Variants in NELL2 observed in about 807,000 individuals in gnomAD.
NELL2 encodes the protein protein kinase C-binding protein NELL2.
A neutral mutation model predicts 109.6 loss-of-function variants in NELL2; 41 were observed. The observed-to-expected ratio is 0.37, with a 90% confidence interval of 0.29 to 0.49. NELL2 has a LOEUF of 0.49. Ranked by LOEUF, NELL2 falls within the 20% of genes least tolerant of loss-of-function variation. NELL2 has a pLI of 0.98. For missense variants in NELL2, 900 were observed against 1,008.3 expected, an observed-to-expected ratio of 0.89 and a Z score of 1.45; for synonymous variants, 355 against 344.7, an observed-to-expected ratio of 1.03 and a Z score of -0.33.
chr12:44,815,134 T>C (rs11182699), intron 3 of NELL2, among the ~76,000 whole-genome samples: 6,951 of 152,138 alleles, frequency 0.046, 377 homozygotes, highest in African/African-American at 0.13. Context: ...TTGGTATTAC[T>C]TCATAGCAAT....
At chr12:44,654,995 C>A (rs994315364) in intron 13 of NELL2, among the ~76,000 whole-genome samples, 3 of 152,156 alleles carry the variant, frequency 2.0e-5, no homozygotes, top group Admixed American at 6.5e-5. Context: ...CAGCAATCCT[C>A]TCCTCTGCAG....
chr12:44,699,675 C>A (rs989938080), intron 12 of NELL2, among the ~76,000 whole-genome samples: 10 of 152,062 alleles, frequency 6.6e-5, no homozygotes, highest in Non-Finnish European at 1.0e-4. Flanking sequence ...CAACTTTGTA[C>A]CAAAATCACT....
At chr12:44,682,476 G>A (rs1948549377) in intron 12 of NELL2, among the ~76,000 whole-genome samples, 1 of 152,082 alleles carries the variant, frequency 6.6e-6, no homozygotes, top group Non-Finnish European at 1.5e-5. Flanking sequence ...TGGTGTTTTA[G>A]ACATGAAGTC....
chr12:44,837,273 C>G (rs1332704344), intron 2 of NELL2, among the ~76,000 whole-genome samples: 1 of 152,136 alleles, frequency 6.6e-6, no homozygotes, highest in Non-Finnish European at 1.5e-5. Flanking sequence ...ACATATTGGA[C>G]CACATTATTC....
intron 12 of NELL2, among the ~76,000 whole-genome samples, chr12:44,703,092 A>T (rs1307614050): frequency 2.0e-5 from 3 of 152,222 alleles, no homozygotes; most frequent in Admixed American, 2.0e-4. Context: ...CAGGGAAATC[A>T]TAAATTACCA....
chr12:44,715,363 G>A lies in NELL2; in HGVS notation c.995-622C>T, dbSNP rs150760956. ...TTAAAATGTAACCTTAGATTCCATG[G>A]GAAAAATATGTTTTTAATCCATAAA... is the stretch of plus-strand genomic sequence containing the variant. On this transcript the variant is annotated intron_variant, in intron 9 of 19. Transcript: ENST00000429094. 2.2e-3 allele frequency among the ~76,000 whole-genome samples: 332 copies of A among 149,834 alleles called. 2 individuals are homozygous for A. Among genetic ancestry groups the A allele is most frequent in the African/African-American group, 7.7e-3 (312 of 40,636 alleles).
chr12:44,778,745 A>G (rs1471919377), intron 5 of NELL2, among the ~76,000 whole-genome samples: 1 of 152,204 alleles, frequency 6.6e-6, no homozygotes, highest in African/African-American at 2.4e-5. Context: ...AGGTTTATGC[A>G]TAATAAAACA....
chr12:44,637,020 A>AT, intron 13 of NELL2, among the ~76,000 whole-genome samples: 1 of 151,986 alleles, frequency 6.6e-6, no homozygotes, highest in Non-Finnish European at 1.5e-5. Context: ...CTTCTTCTAG[A>AT]TTTTTTAGTT....
At chr12:44,842,861 G>A (rs375090028) in intron 2 of NELL2, among the ~76,000 whole-genome samples, 1 of 151,888 alleles carries the variant, frequency 6.6e-6, no homozygotes. Context: ...TGCAGATGGA[G>A]GCAAGAATTG....
At chr12:44,559,243 A>G (rs1943378501) in intron 15 of NELL2, among the ~76,000 whole-genome samples, 2 of 152,246 alleles carry the variant, frequency 1.3e-5, no homozygotes, top group Admixed American at 1.3e-4. Flanking sequence ...TGTAAAGACC[A>G]TTGACACTAT....
intron 9 of NELL2, among the ~76,000 whole-genome samples, chr12:44,748,425 T>C (rs1419668260): frequency 2.0e-5 from 3 of 152,160 alleles, no homozygotes; most frequent in Admixed American, 6.6e-5. Flanking sequence ...CATGATCCTA[T>C]GTTTTACAGA....
upstream of NELL2, among the ~76,000 whole-genome samples, chr12:44,879,798 C>T (rs147113080): frequency 1.3e-5 from 2 of 151,996 alleles, no homozygotes; most frequent in East Asian, 3.9e-4. Context: ...TGCATGTTGG[C>T]CGAAGCTTGC....
intron 15 of NELL2, among the ~76,000 whole-genome samples, chr12:44,587,284 A>AAAAAAAAAAAAAAT: frequency 6.9e-5 from 5 of 72,218 alleles, no homozygotes; most frequent in Admixed American, 1.6e-4. Context: ...AAAAAAAAAA[A>AAAAAAAAAAAAAAT]ATATATATAT....
chr12:44,598,883 A>ACACACACACACACTCT (rs1265603008), intron 15 of NELL2, among the ~76,000 whole-genome samples: 8 of 144,042 alleles, frequency 5.6e-5, no homozygotes, highest in African/African-American at 1.8e-4. Context: ...ACACACACAC[A>ACACACACACACACTCT]CTCTCTCTCT....
At chr12:44,871,584 T>C (rs1405274461) in intron 2 of NELL2, among the ~76,000 whole-genome samples, 1 of 152,154 alleles carries the variant, frequency 6.6e-6, no homozygotes, top group East Asian at 1.9e-4. Context: ...AAACACTGTG[T>C]TATTCCACAC....
At chr12:44,662,736 C>T (rs1259449716) in intron 13 of NELL2, among the ~76,000 whole-genome samples, 1 of 152,158 alleles carries the variant, frequency 6.6e-6, no homozygotes, top group African/African-American at 2.4e-5. Context: ...ATGTGTATTG[C>T]TCTTGGAATC....
chr12:44,605,156 C>G (rs1398456660), intron 15 of NELL2, among the ~76,000 whole-genome samples: 1 of 152,194 alleles, frequency 6.6e-6, no homozygotes, highest in East Asian at 1.9e-4. Context: ...AAGAAACATA[C>G]TGGGATGCAC....
At chr12:44,863,633 A>G (rs1422279729) in intron 2 of NELL2, among the ~76,000 whole-genome samples, 1 of 152,228 alleles carries the variant, frequency 6.6e-6, no homozygotes, top group African/African-American at 2.4e-5. Flanking sequence ...CATCATCACC[A>G]GACCTGTCTT....
upstream of NELL2, among the ~76,000 whole-genome samples, chr12:44,919,034 C>T (rs2136899081): frequency 6.6e-6 from 1 of 152,308 alleles, no homozygotes; most frequent in Middle Eastern, 3.4e-3. Context: ...TGACACTGCT[C>T]AAGCAATGAC....
Sources: allele counts gnomAD v4.1 joint callset (sites outside exome capture counted in the v4.1 genomes callset), GRCh38; gene constraint gnomAD v4.1.1; transcripts MANE v1.5; gene names NCBI Gene and HGNC (gene_info 2026-07-23, HGNC 2026-07-21).